FBLN1: variants seen among roughly 807,000 people sequenced by gnomAD.
The protein encoded by FBLN1 is fibulin-1.
In FBLN1, 34 loss-of-function variants were observed where a neutral mutation model predicts 89.7. The ratio of observed to expected loss-of-function variants is 0.38; its 90% CI spans 0.29 to 0.50. The LOEUF is 0.50. FBLN1 is among the 20% of genes least tolerant of loss of function. The pLI is 0.92. For synonymous variants in FBLN1, 393 were observed against 391.3 expected, an observed-to-expected ratio of 1.00 and a Z score of -0.05; for missense variants, 777 against 988.1, an observed-to-expected ratio of 0.79 and a Z score of 2.86.
rs1465117123 is a variant in FBLN1 at position 45,574,661 on chromosome 22, G to C, written c.1840+8G>C. On this transcript the variant is annotated splice_region_variant and intron_variant, in intron 15 of 16. Coordinates refer to ENST00000327858, the MANE Select transcript of FBLN1 (RefSeq NM_006486.3). The surrounding 1 kb of genome is among the most constrained non-coding windows in gnomAD (Gnocchi z 4.1). ...AGTTCACCCGCCCTGAAGGTGAGTG[G>C]GATGGGTGTGGGGGTCCCAGGGCCC... is the stretch of plus-strand genomic sequence containing the variant. 1.9e-6 allele frequency: 3 copies of C among 1,612,366 alleles called. No individual in the cohort carries two copies. The highest frequency in any genetic ancestry group is 2.7e-5 in the African/African-American group (2 of 74,922).
intron 14 of FBLN1, among the ~76,000 whole-genome samples, chr22:45,569,917 AC>A (rs1242090078): frequency 1.8e-4 from 28 of 152,322 alleles, no homozygotes; most frequent in Non-Finnish European, 7.3e-5. Flanking sequence ...AGAATAAGAG[AC>A]AGAATGATAT....
chr22:45,579,766 A>G lies in FBLN1; in HGVS notation c.1972+2658A>G, dbSNP rs2089027594. 6.6e-6 allele frequency among the ~76,000 whole-genome samples: 1 copy of G among 151,898 alleles called. No homozygotes were observed. Among genetic ancestry groups the G allele is most frequent in the South Asian group, 2.1e-4 (1 of 4,818 alleles). On this transcript the variant is annotated intron_variant, in intron 16 of 16. Coordinates refer to ENST00000327858, the MANE Select transcript of FBLN1 (RefSeq NM_006486.3). This position sits in a 1 kb window ranked among gnomAD's most constrained non-coding sequence, Gnocchi z 5.5. Reference sequence around the variant, plus strand: ...TCTCTGTCCCCACTGCGCTGATCTTATTTCTCTGTCTGAGATCTCCTCCTT... The same window carrying G: ...TCTCTGTCCCCACTGCGCTGATCTTGTTTCTCTGTCTGAGATCTCCTCCTT...
rs2088861840 is a variant in FBLN1 at position 45,562,676 on chromosome 22, C to G, written c.1698-11835C>G. Among the ~76,000 whole-genome samples, 1 of 152,210 alleles carries G rather than the reference C, an allele frequency of 6.6e-6. No individual in the cohort carries two copies. The highest frequency in any genetic ancestry group is 2.4e-5 in the African/African-American group (1 of 41,460). Reference sequence around the variant, plus strand: ...CTCACTCCGGGCACAGCCTTTGGCCCCCGGCCACCCAGCGCCCGAGATGGT... The same window carrying G: ...CTCACTCCGGGCACAGCCTTTGGCCGCCGGCCACCCAGCGCCCGAGATGGT... On this transcript the variant is annotated intron_variant, in intron 14 of 16. Transcript: ENST00000327858. This position sits in a 1 kb window ranked among gnomAD's most constrained non-coding sequence, Gnocchi z 7.8.
chr22:45,519,195 G>A (rs531802033), intron 2 of FBLN1, among the ~76,000 whole-genome samples: 14 of 152,318 alleles, frequency 9.2e-5, no homozygotes, highest in South Asian at 2.1e-4. Context: ...ATGAGCCGGC[G>A]CAGAGTGAAG....
rs543417958 is a variant in FBLN1 at position 45,598,554 on chromosome 22, A to G, written c.1973-1753A>G. On this transcript the variant is annotated intron_variant, in intron 16 of 16. Transcript: ENST00000327858. ...CCTCTGCAGGAGGGGTGCCTCTTCCAAGAAACCTGTCCTGACTCCCCAGCC... is the reference window on the plus strand; with the variant it reads ...CCTCTGCAGGAGGGGTGCCTCTTCCGAGAAACCTGTCCTGACTCCCCAGCC... Among the ~76,000 whole-genome samples, 152 of 152,242 alleles carry G rather than the reference A, an allele frequency of 1.0e-3. 1 individual carries two copies. Among genetic ancestry groups the G allele is most frequent in the African/African-American group, 3.6e-3 (151 of 41,552 alleles).
rs1395304371 is a variant in FBLN1, at chr22:45,536,235, C to T, written c.922+898C>T. ...GTGTTAGTATTTGAATTCATAGAGA[C>T]AGAAAGTAGAATGGAAGGTGCCGGG... On this transcript the variant is annotated intron_variant, in intron 8 of 16. Transcript: ENST00000327858. This position sits in a 1 kb window ranked among gnomAD's most constrained non-coding sequence, Gnocchi z 5.1. Among the ~76,000 whole-genome samples the T allele has an allele frequency of 1.3e-5, 2 of 151,496 alleles. No individual in the cohort carries two copies.
chr22:45,578,887 G>C lies in FBLN1; in HGVS notation c.1972+1779G>C, dbSNP rs983285395. Among the ~76,000 whole-genome samples, 3 of 152,378 alleles carry C rather than the reference G, an allele frequency of 2.0e-5. No individual in the cohort carries two copies. The highest frequency in any genetic ancestry group is 6.5e-5 in the Admixed American group (1 of 15,308). On this transcript the variant is annotated intron_variant, in intron 16 of 16. Coordinates refer to ENST00000327858, the MANE Select transcript of FBLN1 (RefSeq NM_006486.3). This position sits in a 1 kb window ranked among gnomAD's most constrained non-coding sequence, Gnocchi z 4.6. ...GCCTGACCCTGGGCTAAGCCTTGCA[G>C]ATACAGAGATGGATAAATGCCACAT...
chr22:45,555,540 C>G (rs1602206164), intron 14 of FBLN1, among the ~76,000 whole-genome samples: 1 of 152,064 alleles, frequency 6.6e-6, no homozygotes, highest in Admixed American at 6.6e-5. Context: ...ATGCTGTAGC[C>G]GTGCTGGCAG....
Position 45,544,180 on chromosome 22 carries a change from G to A in FBLN1, c.1321+654G>A, listed in dbSNP as rs577224179. Among the ~76,000 whole-genome samples, 12 of 151,926 alleles carry A rather than the reference G, an allele frequency of 7.9e-5. No homozygotes were observed. In the South Asian group the frequency reaches 1.5e-3, roughly 18 times the overall value. On this transcript the variant is annotated intron_variant, in intron 11 of 16. Coordinates refer to ENST00000327858, the MANE Select transcript of FBLN1 (RefSeq NM_006486.3). ...CGGCTCACTGCAACCTCCGCCTCCCGGGTTCAAGCGATTCCCCTGCCTCAG... is the reference window on the plus strand; with the variant it reads ...CGGCTCACTGCAACCTCCGCCTCCCAGGTTCAAGCGATTCCCCTGCCTCAG...
chr22:45,587,145 G>A (rs988787994), intron 16 of FBLN1, among the ~76,000 whole-genome samples: 1 of 152,122 alleles, frequency 6.6e-6, no homozygotes, highest in South Asian at 2.1e-4. Context: ...GGCAAAATGT[G>A]CCTGGCCACT....
intron 14 of FBLN1, chr22:45,565,274 C>T (rs1468568477): frequency 3.0e-6 from 4 of 1,334,698 alleles, no homozygotes; most frequent in Non-Finnish European, 3.9e-6. Flanking sequence ...GAAGCATAGC[C>T]TCCTTGGAAT....
chr22:45,592,270 G>T (rs1300274861), intron 16 of FBLN1, among the ~76,000 whole-genome samples: 1 of 152,158 alleles, frequency 6.6e-6, no homozygotes, highest in Non-Finnish European at 1.5e-5. Flanking sequence ...CCTCTTTCCA[G>T]CCCATCCACA....
At chr22:45,525,438 C>T in intron 2 of FBLN1, 105 bp from the exon 3 acceptor site, 1 of 993,768 alleles carries the variant, frequency 1.0e-6, no homozygotes, top group Non-Finnish European at 1.5e-6. Flanking sequence ...TCTGTGGGAG[C>T]AGGGAAGGGG....
rs1404650538 is a variant in FBLN1 at position 45,590,543 on chromosome 22, G to T, written c.1973-9764G>T. Among the ~76,000 whole-genome samples, 1 of 152,156 alleles carries T rather than the reference G, an allele frequency of 6.6e-6. No homozygotes were observed. Among genetic ancestry groups the T allele is most frequent in the Non-Finnish European group, 1.5e-5 (1 of 68,032 alleles). On this transcript the variant is annotated intron_variant, in intron 16 of 16. Transcript: ENST00000327858. The surrounding 1 kb of genome is among the most constrained non-coding windows in gnomAD (Gnocchi z 4.1). ...CTGCAGAGCCACAGTGGGCCCCCAC[G>T]GTTGGATTTACCTCCTGGCTCTGAG...
rs530442464 is a variant in FBLN1, at chr22:45,563,323, G to C, written c.1698-11188G>C. Reference sequence around the variant, plus strand: ...TGTTGCTTTCCTAACCCTGCCCTCCGGGGCGTTAATAAAGTCTTAGCAAGC... The same window carrying C: ...TGTTGCTTTCCTAACCCTGCCCTCCCGGGCGTTAATAAAGTCTTAGCAAGC... On this transcript the variant is annotated intron_variant, in intron 14 of 16. Coordinates refer to ENST00000327858, the MANE Select transcript of FBLN1 (RefSeq NM_006486.3). The surrounding 1 kb of genome is among the most constrained non-coding windows in gnomAD (Gnocchi z 5.7). The C allele has an allele frequency of 1.9e-6, 3 of 1,610,638 alleles. No individual in the cohort carries two copies. Among genetic ancestry groups the C allele is most frequent in the East Asian group, 4.5e-5 (2 of 44,862 alleles).
chr22:45,579,895 G>A lies in FBLN1; in HGVS notation c.1972+2787G>A, dbSNP rs989642615. On this transcript the variant is annotated intron_variant, in intron 16 of 16. Transcript: ENST00000327858. This position sits in a 1 kb window ranked among gnomAD's most constrained non-coding sequence, Gnocchi z 5.5. ...CCTAGGGGCAGCCATCCCGGCACAC[G>A]GCTCCTGGCCTGTCCACCTGGTAAT... 4.6e-5 allele frequency among the ~76,000 whole-genome samples: 7 copies of A among 151,992 alleles called. No individual in the cohort carries two copies. Among genetic ancestry groups the A allele is most frequent in the African/African-American group, 9.7e-5 (4 of 41,384 alleles).
chr22:45,546,940 G>A, intron 11 of FBLN1, 145 bp from the exon 12 acceptor site: 2 of 1,316,750 alleles, frequency 1.5e-6, no homozygotes, highest in East Asian at 2.4e-5. Context: ...CTCTCCCTCG[G>A]CCACACCCCC....
At chr22:45,571,670 T>G (rs2088954475) in intron 14 of FBLN1, among the ~76,000 whole-genome samples, 1 of 152,212 alleles carries the variant, frequency 6.6e-6, no homozygotes, top group African/African-American at 2.4e-5. Flanking sequence ...CAGAAGAGAT[T>G]AATTAAAAAA....
rs772915964 is a variant in FBLN1 at position 45,543,519 on chromosome 22, A to T, written c.1314A>T (p.Ser438=). The change falls in exon 11 of 17, where the codon TCA becomes TCT. Residue 438 remains serine, a synonymous_variant. Coordinates refer to ENST00000327858, the MANE Select transcript of FBLN1 (RefSeq NM_006486.3). ...VGFRLSVDGR[S]CEDINECSSS... ...TCCGGCTCTCTGTGGATGGCAGGTC[A>T]TGTGAAGGTGAGGCTGGGGCCCCGT... The T allele has an allele frequency of 2.5e-6, 4 of 1,613,336 alleles. No homozygotes were observed. The East Asian group carries it at 8.9e-5, about 36-fold the overall frequency.
Sources: allele counts gnomAD v4.1 joint callset (sites outside exome capture counted in the v4.1 genomes callset), GRCh38; gene constraint gnomAD v4.1.1; non-coding constraint Gnocchi (gnomAD v3.1); transcripts MANE v1.5; gene names NCBI Gene and HGNC (gene_info 2026-07-23, HGNC 2026-07-21).